NHS: variants seen among roughly 807,000 people sequenced by gnomAD.
NHS encodes NHS actin remodeling regulator.
A neutral mutation model predicts 72.5 loss-of-function variants in NHS; 5 were observed. The observed-to-expected ratio is 0.07, with a 90% CI of 0.04 to 0.14. NHS has a LOEUF of 0.14. NHS is among the 10% of genes least tolerant of loss of function. The pLI is 1.00. For synonymous variants in NHS, 464 were observed against 547.7 expected (o/e 0.85, Z 2.13); for missense variants, 1,072 against 1,355.7 (o/e 0.79, Z 3.29).
intron 1 of NHS, among the ~76,000 whole-genome samples, chrX:17,527,908 C>A (rs1273025143): frequency 0.012 from 2 of 162 alleles, no homozygotes; most frequent in Non-Finnish European, 0.021. Flanking sequence ...GGTTGCACGA[C>A]TATACCCACT....
intron 1 of NHS, among the ~76,000 whole-genome samples, chrX:17,524,121 T>C (rs1341455645): frequency 8.9e-6 from 1 of 112,331 alleles, no homozygotes; most frequent in Non-Finnish European, 1.9e-5. Context: ...TTTGAAATAA[T>C]TAAAACTTAC....
At chrX:17,491,597 T>C (rs2064991569) in intron 1 of NHS, among the ~76,000 whole-genome samples, 1 of 111,116 alleles carries the variant, frequency 9.0e-6, no homozygotes, top group South Asian at 3.8e-4. Flanking sequence ...TTGTTGTGTC[T>C]TTGCCAGGCT....
chrX:17,577,287 C>A (rs897513130), intron 1 of NHS, among the ~76,000 whole-genome samples: 11 of 111,674 alleles, frequency 9.9e-5, no homozygotes, highest in Non-Finnish European at 1.9e-4. Flanking sequence ...CATTCAAATC[C>A]TCATGGACTT....
intron 1 of NHS, among the ~76,000 whole-genome samples, chrX:17,417,970 A>G (rs773356063): frequency 8.9e-6 from 1 of 112,013 alleles, no homozygotes; most frequent in Admixed American, 9.5e-5. Context: ...ATTTTAAGCA[A>G]CTCAGGTCAG....
intron 1 of NHS, among the ~76,000 whole-genome samples, chrX:17,511,185 C>T: frequency 8.9e-6 from 1 of 111,796 alleles, no homozygotes; most frequent in South Asian, 3.8e-4. Flanking sequence ...GGCCCTCATG[C>T]CTGCCCCCTC....
intron 5 of NHS, among the ~76,000 whole-genome samples, chrX:17,723,770 T>TGTGTGTGCGCGCGC (rs541219770): frequency 8.8e-5 from 8 of 91,337 alleles, no homozygotes; most frequent in African/African-American, 3.5e-4. Context: ...TGTGTGTGTG[T>TGTGTGTGCGCGCGC]GCGCGCGCGT....
intron 1 of NHS, among the ~76,000 whole-genome samples, chrX:17,539,018 G>A (rs1192139462): frequency 8.9e-6 from 1 of 112,152 alleles, no homozygotes; most frequent in African/African-American, 3.2e-5. Context: ...TACATGATGG[G>A]CACATGCCCT....
At chrX:17,677,945 C>T (rs965617750) in intron 1 of NHS, among the ~76,000 whole-genome samples, 1 of 110,955 alleles carries the variant, frequency 9.0e-6, no homozygotes, top group African/African-American at 3.3e-5. Context: ...GGATTACAGG[C>T]GCATGCCACC....
chrX:17,565,075 A>G (rs1285130823), intron 1 of NHS, among the ~76,000 whole-genome samples: 1 of 109,820 alleles, frequency 9.1e-6, no homozygotes, highest in Non-Finnish European at 1.9e-5. Flanking sequence ...TGCTTTGAGC[A>G]ACAGAATGTG....
At chrX:17,622,918 T>C (rs2065780673) in intron 1 of NHS, among the ~76,000 whole-genome samples, 2 of 110,623 alleles carry the variant, frequency 1.8e-5, no homozygotes, top group Admixed American at 1.9e-4. Flanking sequence ...TGACCTCTTA[T>C]TTTATTATTA....
At chrX:17,692,720 A>G (rs2066204849) in intron 3 of NHS, among the ~76,000 whole-genome samples, 1 of 111,462 alleles carries the variant, frequency 9.0e-6, no homozygotes, top group Admixed American at 9.6e-5. Flanking sequence ...GACTAAAATC[A>G]GGAAAAAAAA....
intron 1 of NHS, among the ~76,000 whole-genome samples, chrX:17,510,391 C>T (rs1231844502): frequency 1.8e-5 from 2 of 112,162 alleles, no homozygotes; most frequent in Non-Finnish European, 3.8e-5. Context: ...GGTCTCATTC[C>T]ACCTCATGAA....
chrX:17,535,663 T>G (rs1482892396), intron 1 of NHS, among the ~76,000 whole-genome samples: 5 of 111,290 alleles, frequency 4.5e-5, no homozygotes, highest in African/African-American at 1.6e-4. Flanking sequence ...ACTGCAACCT[T>G]GGACTCCTGG....
At chrX:17,478,710 C>T (rs957331568) in intron 1 of NHS, among the ~76,000 whole-genome samples, 3 of 111,175 alleles carry the variant, frequency 2.7e-5, no homozygotes, top group Admixed American at 9.6e-5. Flanking sequence ...AAAGAATTCC[C>T]ATAGATTAAC....
chrX:17,377,523 C>A (rs1209095904), intron 1 of NHS, among the ~76,000 whole-genome samples: 1 of 113,203 alleles, frequency 8.8e-6, no homozygotes, highest in Non-Finnish European at 1.9e-5. Flanking sequence ...TGCGCCGGTG[C>A]GCAGTGGCCT....
chrX:17,559,132 A>G (rs1258961624), intron 1 of NHS, among the ~76,000 whole-genome samples: 1 of 111,983 alleles, frequency 8.9e-6, no homozygotes, highest in Admixed American at 9.5e-5. Flanking sequence ...GCTCCCTGAG[A>G]GGGCTGTTCC....
At chrX:17,513,555 T>G (rs1264744387) in intron 1 of NHS, among the ~76,000 whole-genome samples, 1 of 112,322 alleles carries the variant, frequency 8.9e-6, no homozygotes, top group Non-Finnish European at 1.9e-5. Context: ...CTTCTTGGGC[T>G]CCACCCTAGA....
chrX:17,491,891 TC>T (rs780874727), intron 1 of NHS, among the ~76,000 whole-genome samples: 20 of 110,552 alleles, frequency 1.8e-4, no homozygotes, highest in Non-Finnish European at 2.8e-4. Context: ...TTTATCCATT[TC>T]TTCTAGATTT....
intron 1 of NHS, among the ~76,000 whole-genome samples, chrX:17,554,713 G>A (rs777688277): frequency 1.1e-4 from 12 of 112,275 alleles, no homozygotes; most frequent in Non-Finnish European, 1.3e-4. Context: ...ATGTTGAGAC[G>A]CGTGTCTGTC....
Sources: gnomAD v4.1 joint callset for allele counts (sites outside exome capture counted in the v4.1 genomes callset) on GRCh38, gnomAD v4.1.1 for gene constraint, MANE v1.5 for transcripts, NCBI Gene and HGNC (gene_info 2026-07-23, HGNC 2026-07-21) for gene names.